The following CAMK2A variants were observed in gnomAD, a reference collection of about 807,000 sequenced individuals.
CAMK2A encodes calcium/calmodulin dependent protein kinase II alpha.
A neutral mutation model predicts 79.2 loss-of-function variants in CAMK2A; 7 were observed. The observed-to-expected ratio is 0.09, with a 90% CI of 0.05 to 0.17. CAMK2A has a LOEUF of 0.17. Among genes scored for constraint, CAMK2A ranks in the 10% least tolerant of loss-of-function variants. The pLI is 1.00. For missense variants in CAMK2A, 214 were observed against 646.4 expected (o/e 0.33, Z 7.25); for synonymous variants, 242 against 251.7 (o/e 0.96, Z 0.36).
chr5:150,245,278 C>A (rs1031024786), intron 12 of CAMK2A, 77 bp from the exon 13 acceptor site: 1 of 1,421,154 alleles, frequency 7.0e-7, no homozygotes, highest in African/African-American at 1.4e-5. Context: ...CGAGCAGCAT[C>A]CACACGCAGC....
intron 1 of CAMK2A, among the ~76,000 whole-genome samples, chr5:150,283,151 C>A (rs1372043895): frequency 6.6e-6 from 1 of 152,244 alleles, no homozygotes; most frequent in Non-Finnish European, 1.5e-5. Context: ...CTGGCCCCCT[C>A]TTCCAGACAA....
In CAMK2A at chr5:150,256,956, C is replaced by A. The variant is rs981654064; in HGVS notation, c.273-125G>T. On this transcript the variant is annotated intron_variant, in intron 4 of 18. Transcript: ENST00000671881. This position sits in a 1 kb window ranked among gnomAD's most constrained non-coding sequence, Gnocchi z 4.6. The stretch of plus-strand genomic sequence containing the variant: ...AGGACCTCAGCCACAAAAGGAGGGG[C>A]CCCAGGGTCACGGGGGTGTCCCCTG... 7 of 735,538 alleles carry A rather than the reference C, an allele frequency of 9.5e-6. No individual in the cohort carries two copies. The highest frequency in any genetic ancestry group is 1.8e-5 in the African/African-American group (1 of 56,292). The allele number at this position is 735,538 out of a possible 1,614,324, so 45.6% of individuals were successfully genotyped here.
At chr5:150,260,532 C>A (rs945176021) in intron 3 of CAMK2A, among the ~76,000 whole-genome samples, 17 of 151,842 alleles carry the variant, frequency 1.1e-4, no homozygotes, top group African/African-American at 4.1e-4. Flanking sequence ...AATTCTATAC[C>A]TGGGCCCTGC....
At chr5:150,248,512 T>C (rs1187803660) in intron 11 of CAMK2A, among the ~76,000 whole-genome samples, 3 of 114,084 alleles carry the variant, frequency 2.6e-5, no homozygotes, top group African/African-American at 1.0e-4. Context: ...CAGGCCCCGG[T>C]GTGTGATGTT....
intron 11 of CAMK2A, among the ~76,000 whole-genome samples, chr5:150,250,018 C>T (rs527756202): frequency 5.9e-5 from 9 of 152,224 alleles, no homozygotes; most frequent in Non-Finnish European, 1.3e-4. Flanking sequence ...GCCCCAGGAA[C>T]TTGTCTGTCC....
intron 11 of CAMK2A, among the ~76,000 whole-genome samples, chr5:150,249,261 C>T (rs922440698): frequency 6.6e-6 from 1 of 152,254 alleles, no homozygotes; most frequent in Non-Finnish European, 1.5e-5. Flanking sequence ...GAGCTGTCAC[C>T]ACCCTGAGAG....
At chr5:150,260,082 G>C (rs1486729941) in intron 3 of CAMK2A, among the ~76,000 whole-genome samples, 1 of 152,088 alleles carries the variant, frequency 6.6e-6, no homozygotes, top group Non-Finnish European at 1.5e-5. Flanking sequence ...GCATTATTAC[G>C]TTTCTATCCA....
intron 13 of CAMK2A, among the ~76,000 whole-genome samples, chr5:150,241,412 CTCTCT>C (rs1562151096): frequency 1.4e-5 from 2 of 147,734 alleles, no homozygotes; most frequent in Non-Finnish European, 3.0e-5. Flanking sequence ...TCTTTTCTTC[CTCTCT>C]TCTCTTCCCC....
chr5:150,226,124 T>C (rs774197716), intron 17 of CAMK2A, among the ~76,000 whole-genome samples: 1 of 152,208 alleles, frequency 6.6e-6, no homozygotes, highest in Non-Finnish European at 1.5e-5. Flanking sequence ...TCTTCACAAC[T>C]TTTTGGAGGG....
intron 3 of CAMK2A, among the ~76,000 whole-genome samples, chr5:150,261,592 G>A (rs3822606): frequency 0.28 from 41,948 of 152,044 alleles, 5,877 homozygotes; most frequent in South Asian, 0.4. Context: ...GTGATTTTCC[G>A]ACAGTGGATT....
chr5:150,226,267 G>A (rs1484219657), intron 17 of CAMK2A, among the ~76,000 whole-genome samples: 1 of 152,132 alleles, frequency 6.6e-6, no homozygotes, highest in African/African-American at 2.4e-5. Flanking sequence ...GCACTGGGGT[G>A]AGTCAGGTCT....
intron 1 of CAMK2A, among the ~76,000 whole-genome samples, chr5:150,285,779 C>A (rs1757399452): frequency 6.6e-6 from 1 of 152,168 alleles, no homozygotes; most frequent in Non-Finnish European, 1.5e-5. Context: ...CCCTCTCTCT[C>A]CCTCTCTCAA....
chr5:150,271,505 C>T (rs937230627), intron 2 of CAMK2A, among the ~76,000 whole-genome samples: 1 of 152,230 alleles, frequency 6.6e-6, no homozygotes, highest in African/African-American at 2.4e-5. Flanking sequence ...AGGACTGCCA[C>T]GAACCTGCAC....
At chr5:150,285,123 G>C (rs2150312204) in intron 1 of CAMK2A, among the ~76,000 whole-genome samples, 1 of 152,262 alleles carries the variant, frequency 6.6e-6, no homozygotes, top group South Asian at 2.1e-4. Context: ...CCTGTTAGTG[G>C]GTAAGAGGGA....
At chr5:150,238,944 C>T (rs1755215226) in intron 14 of CAMK2A, among the ~76,000 whole-genome samples, 196 bp from the exon 15 acceptor site, 1 of 152,082 alleles carries the variant, frequency 6.6e-6, no homozygotes, top group Non-Finnish European at 1.5e-5. Flanking sequence ...GGCCAGGGGC[C>T]GGGTGGGGGA....
At chr5:150,252,980 C>T (rs1755897865) in intron 7 of CAMK2A, among the ~76,000 whole-genome samples, 1 of 152,226 alleles carries the variant, frequency 6.6e-6, no homozygotes, top group African/African-American at 2.4e-5. Context: ...ACCAAAATCA[C>T]AAAGCAGGCT....
chr5:150,248,329 TA>T (rs2150276955), intron 11 of CAMK2A, among the ~76,000 whole-genome samples: 3 of 30,352 alleles, frequency 9.9e-5, no homozygotes, highest in African/African-American at 2.1e-3. Context: ...TTTTTTATTT[TA>T]TATATATATA....
At chr5:150,262,955 G>A (rs1025571761) in intron 3 of CAMK2A, among the ~76,000 whole-genome samples, 2 of 152,100 alleles carry the variant, frequency 1.3e-5, no homozygotes, top group African/African-American at 4.8e-5. Flanking sequence ...TCATGGCCCC[G>A]AGGAATGACA....
chr5:150,250,857 C>G (rs776331912), intron 9 of CAMK2A, 47 bp from the exon 10 acceptor site: 1 of 1,599,242 alleles, frequency 6.3e-7, no homozygotes, highest in Non-Finnish European at 8.6e-7. Flanking sequence ...CCCCAGGCCA[C>G]CCCTGCGATC....
Sources: gnomAD v4.1 joint callset for allele counts (sites outside exome capture counted in the v4.1 genomes callset) on GRCh38, gnomAD v4.1.1 for gene constraint, Gnocchi (gnomAD v3.1) non-coding constraint, MANE v1.5 for transcripts, NCBI Gene and HGNC (gene_info 2026-07-23, HGNC 2026-07-21) for gene names.